FNBP1: variants seen among roughly 807,000 people sequenced by gnomAD.
FNBP1 encodes the protein formin-binding protein 1.
A neutral mutation model predicts 90.6 loss-of-function variants in FNBP1; 26 were observed. That is an observed-to-expected ratio of 0.29 (90% CI 0.21 to 0.40). The LOEUF (loss-of-function observed/expected upper bound fraction) is 0.40, where lower values mean the gene tolerates loss of function less well. FNBP1 is among the 10% of genes least tolerant of loss of function. The pLI, the probability that FNBP1 is intolerant of heterozygous loss-of-function variation, is 1.00. For synonymous variants in FNBP1, 260 were observed against 265.2 expected, an observed-to-expected ratio of 0.98 and a Z score of 0.19; for missense variants, 635 against 768.0, an observed-to-expected ratio of 0.83 and a Z score of 2.05.
intron 2 of FNBP1, among the ~76,000 whole-genome samples, chr9:129,979,773 G>C (rs2130916409): frequency 6.6e-6 from 1 of 152,096 alleles, no homozygotes; most frequent in Admixed American, 6.5e-5. Context: ...CCAAGTAGCT[G>C]GGACTACAGG....
intron 6 of FNBP1, among the ~76,000 whole-genome samples, chr9:129,929,991 C>T (rs937415855): frequency 6.6e-6 from 1 of 152,024 alleles, no homozygotes; most frequent in Admixed American, 6.6e-5. Flanking sequence ...TTTGGATGAC[C>T]CTTGTGGGAA....
At chr9:129,939,901 GAAAATAT>G (rs1199536093) in intron 6 of FNBP1, among the ~76,000 whole-genome samples, 1 of 152,060 alleles carries the variant, frequency 6.6e-6, no homozygotes, top group Non-Finnish European at 1.5e-5. Flanking sequence ...CAATGTGAAA[GAAAATAT>G]AAGAACAACA....
chr9:129,911,809 G>C (rs1209610030), intron 11 of FNBP1, among the ~76,000 whole-genome samples: 3 of 151,836 alleles, frequency 2.0e-5, no homozygotes, highest in Non-Finnish European at 2.9e-5. Flanking sequence ...GCACCCGCCT[G>C]TAGTTCCAGC....
At chr9:129,952,064 T>C (rs2046261089) in intron 6 of FNBP1, among the ~76,000 whole-genome samples, 1 of 151,130 alleles carries the variant, frequency 6.6e-6, no homozygotes, top group Non-Finnish European at 1.5e-5. Flanking sequence ...TGGTGGCTCA[T>C]ACCTGTAATC....
At chr9:129,978,899 AC>A (rs1259137928) in intron 3 of FNBP1, among the ~76,000 whole-genome samples, 2 of 152,240 alleles carry the variant, frequency 1.3e-5, no homozygotes, top group Non-Finnish European at 2.9e-5. Flanking sequence ...TGCTATATGT[AC>A]TAATGTAAAG....
chr9:130,035,113 C>T (rs533758327), intron 1 of FNBP1, among the ~76,000 whole-genome samples: 4 of 152,280 alleles, frequency 2.6e-5, no homozygotes, highest in Non-Finnish European at 5.9e-5. Context: ...CGTGCCACTG[C>T]ACCCCAGCCT....
intron 7 of FNBP1, 91 bp downstream of exon 7, chr9:129,929,476 A>T: frequency 8.1e-7 from 1 of 1,236,830 alleles, no homozygotes; most frequent in Non-Finnish European, 1.2e-6. Context: ...CAGACTCAGA[A>T]TACAAACCCA....
chr9:129,918,706 T>TG (rs2040624507), intron 10 of FNBP1, among the ~76,000 whole-genome samples: 1 of 152,192 alleles, frequency 6.6e-6, no homozygotes, highest in South Asian at 2.1e-4. Flanking sequence ...AACATGGATA[T>TG]GGGTGACTGA....
intron 4 of FNBP1, among the ~76,000 whole-genome samples, chr9:129,968,644 T>TTA (rs1402892963): frequency 6.6e-6 from 1 of 152,158 alleles, no homozygotes; most frequent in Non-Finnish European, 1.5e-5. Flanking sequence ...GAAAAGAATG[T>TTA]TATAGGTTTT....
intron 6 of FNBP1, among the ~76,000 whole-genome samples, chr9:129,937,654 C>G (rs1011645679): frequency 6.6e-6 from 1 of 151,904 alleles, no homozygotes; most frequent in Admixed American, 6.6e-5. Context: ...TCGCTTGAAC[C>G]CAGGAGTTAG....
chr9:129,943,484 T>C (rs2044668235), intron 6 of FNBP1, among the ~76,000 whole-genome samples: 1 of 146,744 alleles, frequency 6.8e-6, no homozygotes, highest in Non-Finnish European at 1.5e-5. Context: ...CCTCCCAGCT[T>C]CAAGCGATTC....
chr9:129,968,411 A>G (rs1491000459), intron 4 of FNBP1, among the ~76,000 whole-genome samples: 1 of 152,134 alleles, frequency 6.6e-6, no homozygotes, highest in East Asian at 1.9e-4. Flanking sequence ...AAAAAAAAAA[A>G]AAAAAATCAG....
intron 6 of FNBP1, among the ~76,000 whole-genome samples, chr9:129,948,638 G>T (rs2045713925): frequency 6.6e-6 from 1 of 151,970 alleles, no homozygotes; most frequent in Admixed American, 6.6e-5. Context: ...CACTTCCTGG[G>T]TTCAAGCGAT....
At chr9:129,949,557 G>A (rs1296816682) in intron 6 of FNBP1, among the ~76,000 whole-genome samples, 2 of 152,118 alleles carry the variant, frequency 1.3e-5, no homozygotes, top group Non-Finnish European at 1.5e-5. Flanking sequence ...GTGGATGAAT[G>A]GAGGTGATTT....
intron 1 of FNBP1, among the ~76,000 whole-genome samples, chr9:130,005,341 A>ATT (rs35530412): frequency 9.2e-6 from 1 of 108,534 alleles, no homozygotes. Context: ...ACAAATTGAG[A>ATT]TTTTTTTTTT....
At chr9:129,995,636 C>T (rs929033568) in intron 1 of FNBP1, among the ~76,000 whole-genome samples, 12 of 152,142 alleles carry the variant, frequency 7.9e-5, no homozygotes, top group African/African-American at 2.9e-4. Context: ...TGTACCACTG[C>T]ACTCCAGCCT....
At chr9:130,043,535 T>G (rs7037717), upstream of FNBP1, among the ~76,000 whole-genome samples, 146,550 of 152,354 alleles carry the variant, frequency 0.96, 70,608 homozygotes, top group East Asian at 1. Context: ...CCTGCGCGTA[T>G]CGCCGCTCTG....
At chr9:129,916,107 C>T (rs192901334) in intron 10 of FNBP1, 127 bp from the exon 11 acceptor site, 5 of 662,520 alleles carry the variant, frequency 7.5e-6, no homozygotes, top group East Asian at 5.4e-5. Context: ...ATAACACACA[C>T]GTCTACCCGC....
chr9:130,023,822 T>A (rs1421493169), intron 1 of FNBP1, among the ~76,000 whole-genome samples: 1 of 152,200 alleles, frequency 6.6e-6, no homozygotes, highest in Admixed American at 6.5e-5. Context: ...TCCATCCACG[T>A]GAGTGTATCC....
Sources: gnomAD v4.1 joint callset for allele counts (sites outside exome capture counted in the v4.1 genomes callset) on GRCh38, gnomAD v4.1.1 for gene constraint, MANE v1.5 for transcripts, NCBI Gene and HGNC (gene_info 2026-07-23, HGNC 2026-07-21) for gene names.